DCC: variants seen among roughly 807,000 people sequenced by gnomAD.
The protein encoded by DCC is netrin receptor DCC.
Under a neutral mutation model 172.5 loss-of-function variants are expected in DCC, and 58 were observed. That is an observed-to-expected ratio of 0.34 (90% confidence interval 0.27 to 0.42). DCC has a LOEUF of 0.42. Ranked by LOEUF, DCC falls within the 10% of genes least tolerant of loss-of-function variation. The pLI is 1.00. For synonymous variants in DCC, 709 were observed against 644.5 expected (o/e 1.10, Z -1.52); for missense variants, 1,740 against 1,791.0 (o/e 0.97, Z 0.51).
chr18:52,907,165 T>C (rs1278772205), intron 3 of DCC, among the ~76,000 whole-genome samples: 2 of 149,454 alleles, frequency 1.3e-5, no homozygotes, highest in Admixed American at 1.3e-4. Context: ...ATATATCATA[T>C]ATATCATATA....
chr18:53,428,761 A>T (rs1347879585), intron 21 of DCC, among the ~76,000 whole-genome samples: 15 of 54,126 alleles, frequency 2.8e-4, no homozygotes, highest in African/African-American at 7.2e-4. Flanking sequence ...ATATATAATA[A>T]ATTATATATT....
chr18:53,451,605 A>G (rs969166843), intron 23 of DCC, among the ~76,000 whole-genome samples: 1 of 152,054 alleles, frequency 6.6e-6, no homozygotes, highest in African/African-American at 2.4e-5. Flanking sequence ...AGCCTGAGGT[A>G]TGGGTTCATA....
At chr18:53,093,576 A>C (rs1467342627) in intron 7 of DCC, among the ~76,000 whole-genome samples, 2 of 152,194 alleles carry the variant, frequency 1.3e-5, no homozygotes, top group Non-Finnish European at 2.9e-5. Context: ...AATCCCATCT[A>C]TCTGACCTTA....
At chr18:52,614,076 G>A (rs1418053339) in intron 1 of DCC, among the ~76,000 whole-genome samples, 1 of 151,864 alleles carries the variant, frequency 6.6e-6, no homozygotes. Flanking sequence ...TTTTTTTCTT[G>A]CTTCTCTGCC....
chr18:52,652,741 G>GT (rs1555709976), intron 1 of DCC, among the ~76,000 whole-genome samples: 3 of 43,074 alleles, frequency 7.0e-5, no homozygotes, highest in Non-Finnish European at 1.9e-4. Flanking sequence ...TGTGTGTGTG[G>GT]GTGGAGGAGG....
At chr18:53,134,767 T>C (rs770804840) in intron 7 of DCC, among the ~76,000 whole-genome samples, 4 of 152,046 alleles carry the variant, frequency 2.6e-5, no homozygotes, top group Non-Finnish European at 4.4e-5. Flanking sequence ...TACCTAGAGG[T>C]TTTAAAAGAC....
intron 1 of DCC, among the ~76,000 whole-genome samples, chr18:52,429,522 C>T (rs181714671): frequency 9.9e-5 from 15 of 152,158 alleles, no homozygotes; most frequent in South Asian, 2.1e-4. Flanking sequence ...GCTGTGTGAA[C>T]GTTTTCTATG....
chr18:52,989,655 A>G (rs2041351611), intron 5 of DCC, among the ~76,000 whole-genome samples: 1 of 152,346 alleles, frequency 6.6e-6, no homozygotes, highest in Non-Finnish European at 1.5e-5. Flanking sequence ...AATCTAGAGA[A>G]CACACACATG....
chr18:53,417,869 C>T (rs1383479074), intron 21 of DCC, among the ~76,000 whole-genome samples: 1 of 152,066 alleles, frequency 6.6e-6, no homozygotes, highest in Admixed American at 6.6e-5. Flanking sequence ...TAAACCACCA[C>T]ACATATATTC....
intron 5 of DCC, among the ~76,000 whole-genome samples, chr18:52,963,823 C>G (rs945132901): frequency 7.5e-6 from 1 of 133,372 alleles, no homozygotes; most frequent in African/African-American, 2.8e-5. Flanking sequence ...TTCTGATTAT[C>G]TCTAGTTTTT....
intron 1 of DCC, among the ~76,000 whole-genome samples, chr18:52,452,196 A>C (rs569216012): frequency 7.2e-5 from 11 of 152,310 alleles, no homozygotes; most frequent in African/African-American, 2.4e-4. Context: ...AAATAGATCA[A>C]TGTTTTAAAG....
intron 1 of DCC, among the ~76,000 whole-genome samples, chr18:52,425,566 C>G (rs886466912): frequency 6.6e-6 from 1 of 152,156 alleles, no homozygotes. Context: ...CTATACTGCA[C>G]AGCCAGTAGA....
intron 5 of DCC, among the ~76,000 whole-genome samples, chr18:52,963,082 C>T (rs1239117950): frequency 6.6e-6 from 1 of 150,644 alleles, no homozygotes; most frequent in African/African-American, 2.5e-5. Context: ...GCACTTGTAC[C>T]CTAAAACTTA....
intron 3 of DCC, among the ~76,000 whole-genome samples, chr18:52,906,808 T>C (rs2039890252): frequency 6.6e-6 from 1 of 151,036 alleles, no homozygotes; most frequent in Non-Finnish European, 1.5e-5. Context: ...TATAGTTCAA[T>C]ATTAAAATTA....
chr18:53,089,640 A>G (rs1043676405), intron 7 of DCC, among the ~76,000 whole-genome samples: 59 of 152,242 alleles, frequency 3.9e-4, no homozygotes, highest in African/African-American at 1.4e-3. Context: ...ATGGGCACCT[A>G]AAAGTACTGT....
intron 1 of DCC, 39 bp downstream of exon 1, chr18:52,340,917 C>T (rs368893665): frequency 2.8e-6 from 4 of 1,419,438 alleles, no homozygotes; most frequent in African/African-American, 2.8e-5. Context: ...GCACCCCCTT[C>T]CGTACCCCAC....
chr18:52,619,585 A>C (rs1297903181), intron 1 of DCC, among the ~76,000 whole-genome samples: 5 of 152,200 alleles, frequency 3.3e-5, no homozygotes, highest in Non-Finnish European at 7.3e-5. Flanking sequence ...TCAAGTTATA[A>C]ATCCAACTAA....
chr18:53,463,025 C>T (rs1041528610), intron 24 of DCC, among the ~76,000 whole-genome samples: 1 of 152,242 alleles, frequency 6.6e-6, no homozygotes, highest in African/African-American at 2.4e-5. Flanking sequence ...CCTAAACAGG[C>T]TTTCGCCTGG....
intron 15 of DCC, among the ~76,000 whole-genome samples, chr18:53,355,463 G>C (rs1042495386): frequency 6.6e-6 from 1 of 152,136 alleles, no homozygotes; most frequent in Non-Finnish European, 1.5e-5. Flanking sequence ...GCAGTGGTTT[G>C]TAGTTCTCCT....
Sources: allele counts gnomAD v4.1 joint callset (sites outside exome capture counted in the v4.1 genomes callset), GRCh38; gene constraint gnomAD v4.1.1; transcripts MANE v1.5; gene names NCBI Gene and HGNC (gene_info 2026-07-23, HGNC 2026-07-21).